Variants in DPYS observed in about 807,000 individuals in gnomAD.
DPYS encodes dihydropyrimidinase, also known as dihydropyrimidine amidohydrolase.
Under a neutral mutation model 50.3 loss-of-function variants are expected in DPYS, and 39 were observed. That is an observed-to-expected ratio of 0.78 (90% CI 0.60 to 1.01). The LOEUF is 1.01. DPYS is among the 50% of genes least tolerant of loss of function. The pLI, the probability that DPYS is intolerant of heterozygous loss-of-function variation, is 0.00. For missense variants in DPYS, 659 were observed against 680.9 expected (o/e 0.97, Z 0.36); for synonymous variants, 245 against 250.7 (o/e 0.98, Z 0.22).
intron 7 of DPYS, among the ~76,000 whole-genome samples, chr8:104,393,568 TA>T (rs1811474006): frequency 6.6e-6 from 1 of 152,160 alleles, no homozygotes; most frequent in African/African-American, 2.4e-5. Flanking sequence ...AATTTGAAGA[TA>T]ACAGAAATAA....
At chr8:104,379,879 C>T (rs1216114977) in intron 9 of DPYS, 36 bp from the exon 10 acceptor site, 5 of 455,544 alleles carry the variant, frequency 1.1e-5, no homozygotes, top group Non-Finnish European at 2.2e-5. Context: ...CTGTAACATT[C>T]TCCCTCACAA....
intron 7 of DPYS, among the ~76,000 whole-genome samples, chr8:104,397,507 G>A (rs930234419): frequency 6.6e-6 from 1 of 152,138 alleles, no homozygotes; most frequent in African/African-American, 2.4e-5. Context: ...TAAATGAGAG[G>A]TAAACATCCA....
intron 2 of DPYS, among the ~76,000 whole-genome samples, chr8:104,449,949 C>G (rs1032497782): frequency 6.6e-6 from 1 of 152,132 alleles, no homozygotes; most frequent in Non-Finnish European, 1.5e-5. Flanking sequence ...TACAGCAGCC[C>G]TAGCAAACGA....
At chr8:104,426,512 C>T (rs914351716) in intron 6 of DPYS, among the ~76,000 whole-genome samples, 2 of 152,116 alleles carry the variant, frequency 1.3e-5, no homozygotes, top group Non-Finnish European at 2.9e-5. Flanking sequence ...AATAAGGAGG[C>T]CCTTTGGAAA....
At chr8:104,446,102 AATAAT>A (rs1813520148) in intron 3 of DPYS, among the ~76,000 whole-genome samples, 1 of 152,062 alleles carries the variant, frequency 6.6e-6, no homozygotes, top group African/African-American at 2.4e-5. Context: ...AAATAACTAA[AATAAT>A]ATAATTGGAT....
chr8:104,440,286 T>C (rs1186755861), intron 4 of DPYS, among the ~76,000 whole-genome samples: 1 of 152,186 alleles, frequency 6.6e-6, no homozygotes, highest in African/African-American at 2.4e-5. Context: ...CAATCAATAA[T>C]TGGATCTCCT....
At chr8:104,403,900 C>T (rs1811908963) in intron 7 of DPYS, among the ~76,000 whole-genome samples, 1 of 152,130 alleles carries the variant, frequency 6.6e-6, no homozygotes. Flanking sequence ...GTTCTGCAAT[C>T]CTAAGAATCA....
chr8:104,410,316 C>T (rs1236762899), intron 7 of DPYS, among the ~76,000 whole-genome samples: 1 of 152,146 alleles, frequency 6.6e-6, no homozygotes, highest in Non-Finnish European at 1.5e-5. Flanking sequence ...CCTACACACT[C>T]ATCACCCTAA....
At chr8:104,394,673 G>T (rs1189269823) in intron 7 of DPYS, among the ~76,000 whole-genome samples, 1 of 151,640 alleles carries the variant, frequency 6.6e-6, no homozygotes, top group Non-Finnish European at 1.5e-5. Flanking sequence ...ATGAAGATCA[G>T]ATCATGTCAC....
intron 7 of DPYS, among the ~76,000 whole-genome samples, chr8:104,418,326 G>C (rs935940395): frequency 6.6e-6 from 1 of 152,070 alleles, no homozygotes; most frequent in Non-Finnish European, 1.5e-5. Context: ...GGAAAATTTG[G>C]GCCAACATCT....
rs764100083 is a variant in DPYS, at chr8:104,429,675, C to T, written c.820G>A (p.Ala274Thr). The change falls in exon 5 of 10, where the codon GCA (alanine) becomes ACA (threonine). Residue 274 changes from alanine (A) to threonine (T), a missense_variant. Transcript: ENST00000351513. ...GTGCCATCTGTGCCAAGACTGGCTG[C>T]TATGGGTTCACCATAGACCACCTTC... The part of the protein sequence containing the change: ...DGKVVYGEPI[A>T]ASLGTDGTHY... 3 of 1,614,024 alleles carry T rather than the reference C, an allele frequency of 1.9e-6. No individual in the cohort carries two copies. In the Admixed American group the frequency reaches 5.0e-5, roughly 27 times the overall value.
chr8:104,396,249 C>T (rs906871778), intron 7 of DPYS, among the ~76,000 whole-genome samples: 7 of 152,062 alleles, frequency 4.6e-5, no homozygotes, highest in Non-Finnish European at 1.0e-4. Context: ...GATTGTATTA[C>T]AGCATACTAT....
chr8:104,449,469 CT>C (rs1813656472), intron 2 of DPYS, among the ~76,000 whole-genome samples: 1 of 152,294 alleles, frequency 6.6e-6, no homozygotes, highest in South Asian at 2.1e-4. Flanking sequence ...CACCTGGTTG[CT>C]TGCTAGAAAT....
At chr8:104,432,680 C>T (rs1476018435) in intron 4 of DPYS, among the ~76,000 whole-genome samples, 1 of 152,186 alleles carries the variant, frequency 6.6e-6, no homozygotes, top group African/African-American at 2.4e-5. Flanking sequence ...AGGTTCAAAT[C>T]CTGCTTTTGC....
rs369866551 is a variant in DPYS, at chr8:104,397,385, T to C, written c.1236-4394A>G. ...AGGTGCTTTATAAACATTTATGTGA[T>C]GATCAAATTAAAAGATTGCATGATT... On this transcript the variant is annotated intron_variant, in intron 7 of 9. Transcript: ENST00000351513. Among the ~76,000 whole-genome samples the C allele has an allele frequency of 1.5e-4, 23 of 152,378 alleles. No individual in the cohort carries two copies. In the East Asian group the frequency reaches 4.2e-3, roughly 28 times the overall value.
chr8:104,441,293 T>C (rs1813347399), intron 4 of DPYS, among the ~76,000 whole-genome samples: 1 of 152,136 alleles, frequency 6.6e-6, no homozygotes, highest in Non-Finnish European at 1.5e-5. Context: ...AAATTACATA[T>C]GCAATTTGAA....
rs574254587 is a variant in DPYS at position 104,392,925 on chromosome 8, G to A, written c.1302C>T (p.His434=). 3.1e-6 allele frequency: 5 copies of A among 1,614,058 alleles called. No individual in the cohort carries two copies. Among genetic ancestry groups the A allele is most frequent in the East Asian group, 2.2e-5 (1 of 44,890 alleles). Residue 434 remains histidine (H), a synonymous_variant, in exon 8 of 10, where the codon CAC becomes CAT. Transcript: ENST00000351513. ...TTGAAATAGTCACAAGGGGCACCCC[G>A]TGGCAAACCATGCCCTCGAAAATGT... The part of the protein sequence containing the change: ...NFNIFEGMVC[H]GVPLVTISRG...
At chr8:104,453,074 C>A (rs1813809582) in intron 1 of DPYS, among the ~76,000 whole-genome samples, 1 of 152,100 alleles carries the variant, frequency 6.6e-6, no homozygotes, top group South Asian at 2.1e-4. Flanking sequence ...ACACCGGATG[C>A]CCTCATGTCC....
intron 3 of DPYS, among the ~76,000 whole-genome samples, chr8:104,445,862 G>A (rs538106062): frequency 3.3e-5 from 5 of 152,126 alleles, no homozygotes; most frequent in South Asian, 2.1e-4. Flanking sequence ...TGGCTAACAC[G>A]GGGAAACCCT....
Sources: gnomAD v4.1 joint callset for allele counts (sites outside exome capture counted in the v4.1 genomes callset) on GRCh38, gnomAD v4.1.1 for gene constraint, MANE v1.5 for transcripts, NCBI Gene and HGNC (gene_info 2026-07-23, HGNC 2026-07-21) for gene names.